The following CHGA variants were observed in gnomAD, a reference collection of about 807,000 sequenced individuals.
CHGA encodes chromogranin A.
CHGA carries 41 observed loss-of-function variants against 54.4 expected under a neutral mutation model. The observed-to-expected ratio is 0.75, with a 90% CI of 0.59 to 0.98. The LOEUF (loss-of-function observed/expected upper bound fraction) is 0.98, where lower values mean the gene tolerates loss of function less well. Ranked by LOEUF, CHGA falls within the 50% of genes least tolerant of loss-of-function variation. The pLI is 0.00. For synonymous variants in CHGA, 249 were observed against 232.8 expected (o/e 1.07, Z -0.63); for missense variants, 576 against 582.3 (o/e 0.99, Z 0.11).
chr14:92,926,539 A>G (rs1886889040), intron 2 of CHGA, 66 bp from the exon 3 acceptor site: 11 of 1,338,834 alleles, frequency 8.2e-6, no homozygotes, highest in Middle Eastern at 3.6e-4. Context: ...AATTCACCCT[A>G]GAGCCTCCAG....
intron 5 of CHGA, among the ~76,000 whole-genome samples, chr14:92,931,012 TG>T (rs1375205631): frequency 6.6e-6 from 1 of 152,272 alleles, no homozygotes; most frequent in African/African-American, 2.4e-5. Context: ...TCTGGTTTTT[TG>T]TTTTTGTTCT....
rs376023419 is a variant in CHGA at position 92,931,709 on chromosome 14, A to G, written c.808+7A>G. The G allele has an allele frequency of 1.9e-6, 3 of 1,552,596 alleles. No homozygotes were observed. The highest frequency in any genetic ancestry group is 2.7e-5 in the African/African-American group (2 of 73,484). ...GAGATCCGGAAAGGCGAGAGTACGT[A>G]TGATGGCGAAGACCTCAACGAACGT... On this transcript the variant is annotated splice_region_variant and intron_variant, in intron 6 of 7. Transcript: ENST00000216492.
At chr14:92,925,452 C>A (rs1886868857) in intron 2 of CHGA, among the ~76,000 whole-genome samples, 1 of 151,150 alleles carries the variant, frequency 6.6e-6, no homozygotes, top group South Asian at 2.1e-4. Context: ...TTATACCCAG[C>A]AGCCTGTGGT....
intron 1 of CHGA, among the ~76,000 whole-genome samples, chr14:92,923,664 C>G (rs1371430371): frequency 6.6e-6 from 1 of 152,224 alleles, no homozygotes; most frequent in African/African-American, 2.4e-5. Context: ...GGGCTTGGCG[C>G]CTCGGTTGCA....
At chr14:92,924,087 G>A in intron 1 of CHGA, 112 bp from the exon 2 acceptor site, 1 of 1,198,524 alleles carries the variant, frequency 8.3e-7, no homozygotes, top group Admixed American at 2.3e-5. Flanking sequence ...TTTTGGTGGG[G>A]GCAGTTTTGA....
chr14:92,927,193 G>A (rs1048626856), intron 3 of CHGA, among the ~76,000 whole-genome samples: 1 of 152,222 alleles, frequency 6.6e-6, no homozygotes. Flanking sequence ...ATTGGAAACC[G>A]ATGAGTGGAA....
Position 92,932,309 on chromosome 14 carries a change from G to T in CHGA, c.809-61G>T. On this transcript the variant is annotated intron_variant, in intron 6 of 7. Transcript: ENST00000216492. This position sits in a 1 kb window ranked among gnomAD's most constrained non-coding sequence, Gnocchi z 5.3. ...CAGCAGAGGCCCCCAGGGAGTGGCA[G>T]AGACTGGGAAAATGGTGGTCCCCCA... The T allele has an allele frequency of 6.7e-7, 1 of 1,501,524 alleles. No individual in the cohort carries two copies. The highest frequency in any genetic ancestry group is 2.4e-5 in the East Asian group (1 of 41,074). 93.0% of individuals were successfully genotyped at this position (1,501,524 alleles called of 1,614,324 possible).
At chr14:92,927,050 C>T (rs1327978989) in intron 3 of CHGA, among the ~76,000 whole-genome samples, 2 of 152,198 alleles carry the variant, frequency 1.3e-5, no homozygotes, top group African/African-American at 4.8e-5. Context: ...TGCAGACACC[C>T]TCTAGATGTG....
At chr14:92,933,620 C>G (rs530145349) in intron 7 of CHGA, among the ~76,000 whole-genome samples, 1 of 152,124 alleles carries the variant, frequency 6.6e-6, no homozygotes, top group Non-Finnish European at 1.5e-5. Context: ...GACACCTGTC[C>G]GCAGCCCTGA....
At chr14:92,925,551 C>T (rs1255376249) in intron 2 of CHGA, among the ~76,000 whole-genome samples, 1 of 152,166 alleles carries the variant, frequency 6.6e-6, no homozygotes, top group Non-Finnish European at 1.5e-5. Flanking sequence ...GCCAGTTTGC[C>T]ATCTTGGATC....
intron 2 of CHGA, chr14:92,926,369 T>G: frequency 1.8e-6 from 1 of 544,966 alleles, no homozygotes; most frequent in Non-Finnish European, 3.3e-6. Flanking sequence ...GGGAACCTGC[T>G]GGCCATGTGG....
intron 5 of CHGA, 103 bp from the exon 6 acceptor site, chr14:92,931,147 G>A: frequency 7.9e-7 from 1 of 1,258,496 alleles, no homozygotes; most frequent in Non-Finnish European, 1.1e-6. Context: ...TGGGCTCGCT[G>A]GAAGCCAAGA....
chr14:92,923,424 C>T lies in CHGA; in HGVS notation c.46+19C>T. The T allele has an allele frequency of 7.9e-7, 1 of 1,258,290 alleles. No homozygotes were observed. Among genetic ancestry groups the T allele is most frequent in the Non-Finnish European group, 1.0e-6 (1 of 1,002,192 alleles). 77.9% of individuals were successfully genotyped at this position (1,258,290 alleles called of 1,614,324 possible). A position where few individuals can be genotyped will look rare whatever the true frequency, so the allele number is the denominator to read the frequency against. ...GGGCAAGGTGAGCGAGCGCGGGGAG[C>T]TCGCGGGAGAGGGTTCCGGGCGCCC... On this transcript the variant is annotated intron_variant, in intron 1 of 7. Coordinates refer to ENST00000216492, the MANE Select transcript of CHGA (RefSeq NM_001275.4).
upstream of CHGA, chr14:92,923,087 C>A (rs9658637): frequency 2.0e-4 from 59 of 291,110 alleles, no homozygotes; most frequent in African/African-American, 1.2e-3. Context: ...GGGAAGGGGG[C>A]GGCACCGCTG....
rs1478923934 is a variant in CHGA at position 92,932,102 on chromosome 14, G to A, written c.809-268G>A. ...CGGTTTAGGAGAGGCCCTGGCTCCC[G>A]CTGCGGGCCTGTCAGGGTCTTTCCT... is the stretch of plus-strand genomic sequence containing the variant. On this transcript the variant is annotated intron_variant, in intron 6 of 7. Transcript: ENST00000216492. This position sits in a 1 kb window ranked among gnomAD's most constrained non-coding sequence, Gnocchi z 5.3. 8.7e-6 allele frequency: 4 copies of A among 459,378 alleles called. No homozygotes were observed. Among genetic ancestry groups the A allele is most frequent in the South Asian group, 3.1e-5 (1 of 31,920 alleles). The allele number at this position is 459,378 out of a possible 1,614,324, so 28.5% of individuals were successfully genotyped here.
At position 92,929,847 on chromosome 14, in the gene CHGA, G is replaced by C. The variant is rs868450453; in HGVS notation, c.355+32G>C. 5.7e-6 allele frequency: 9 copies of C among 1,590,398 alleles called. No homozygotes were observed. The Middle Eastern group carries it at 1.0e-3, about 178-fold the overall frequency. On this transcript the variant is annotated intron_variant, in intron 5 of 7. Coordinates refer to ENST00000216492, the MANE Select transcript of CHGA (RefSeq NM_001275.4). ...CCCAGCCGGTCTGGCCGGAGGTGGGGAAGGGAGGGTGGCAGTGGGAACAGT... is the reference window on the plus strand; with the variant it reads ...CCCAGCCGGTCTGGCCGGAGGTGGGCAAGGGAGGGTGGCAGTGGGAACAGT...
At position 92,932,030 on chromosome 14, in the gene CHGA, T is replaced by C. The variant is rs1033794416; in HGVS notation, c.808+328T>C. On this transcript the variant is annotated intron_variant, in intron 6 of 7. Coordinates refer to ENST00000216492, the MANE Select transcript of CHGA (RefSeq NM_001275.4). This position sits in a 1 kb window ranked among gnomAD's most constrained non-coding sequence, Gnocchi z 5.3. ...GGGCTGGCTTTGGGAACAGAGACCA[T>C]GGCAGGAGCGCACAGGCTGATCTGG... 6 of 448,506 alleles carry C rather than the reference T, an allele frequency of 1.3e-5. No homozygotes were observed. Among genetic ancestry groups the C allele is most frequent in the Non-Finnish European group, 2.4e-5 (6 of 254,788 alleles). The allele number at this position is 448,506 out of a possible 1,614,324, so 27.8% of individuals were successfully genotyped here.
In CHGA at chr14:92,931,290, AAG is replaced by A. The variant is rs750573764; in HGVS notation, c.401_402del (p.Glu134GlyfsTer10). 13 of 1,613,514 alleles carry A rather than the reference AAG, an allele frequency of 8.1e-6. No individual in the cohort carries two copies. In the South Asian group the frequency reaches 8.8e-5, roughly 11 times the overall value. On this transcript the variant is annotated frameshift_variant, in exon 6 of 8. Transcript: ENST00000216492. LOFTEE classifies it high-confidence loss of function. The part of the protein sequence containing the change: ...EPSSKDVMEK[R>X]EDSKEAEKSG... ...CATCATCCAAGGATGTTATGGAGAAAAGAGAGGATTCCAAGGAGGCAGAGAAA... is the reference window on the plus strand; with the variant it reads ...CATCATCCAAGGATGTTATGGAGAAAAGAGGATTCCAAGGAGGCAGAGAAA...
chr14:92,926,339 C>T, intron 2 of CHGA: 1 of 493,700 alleles, frequency 2.0e-6, no homozygotes, highest in East Asian at 3.2e-5. Flanking sequence ...ACCCCATTCT[C>T]ACTATGATCC....
Sources: allele counts gnomAD v4.1 joint callset (sites outside exome capture counted in the v4.1 genomes callset), GRCh38; gene constraint gnomAD v4.1.1; non-coding constraint Gnocchi (gnomAD v3.1); transcripts MANE v1.5; gene names NCBI Gene and HGNC (gene_info 2026-07-23, HGNC 2026-07-21).